Variants in GXYLT2 observed in about 807,000 individuals in gnomAD.
The protein encoded by GXYLT2 is glycosyltransferase 8 domain containing 4.
Under a neutral mutation model 45.8 loss-of-function variants are expected in GXYLT2, and 53 were observed. The ratio of observed to expected loss-of-function variants is 1.16; its 90% CI spans 0.93 to 1.46. The LOEUF (loss-of-function observed/expected upper bound fraction) is 1.46, where lower values mean the gene tolerates loss of function less well. Among genes scored for constraint, GXYLT2 ranks in the 40% most tolerant of loss-of-function variants. GXYLT2 has a pLI of 0.00. For synonymous variants in GXYLT2, 219 were observed against 214.2 expected (o/e 1.02, Z -0.19); for missense variants, 551 against 544.4 (o/e 1.01, Z -0.12).
chr3:72,929,986 G>A (rs1205855555), intron 3 of GXYLT2, among the ~76,000 whole-genome samples: 2 of 152,074 alleles, frequency 1.3e-5, no homozygotes, highest in Non-Finnish European at 2.9e-5. Flanking sequence ...GGCCAACATG[G>A]TGAAATGGTG....
chr3:72,913,306 G>A (rs1054847249), intron 2 of GXYLT2, among the ~76,000 whole-genome samples: 3 of 151,344 alleles, frequency 2.0e-5, no homozygotes, highest in African/African-American at 7.3e-5. Flanking sequence ...CCAAAGTGCT[G>A]GGATTACAAG....
At chr3:72,956,041 G>C (rs1710637386) in intron 4 of GXYLT2, among the ~76,000 whole-genome samples, 1 of 152,180 alleles carries the variant, frequency 6.6e-6, no homozygotes, top group African/African-American at 2.4e-5. Context: ...TCACGCCACT[G>C]TACTCCAGCC....
rs1377784629 is a variant in GXYLT2 at position 72,950,141 on chromosome 3, C to T, written c.601-4957C>T. On this transcript the variant is annotated intron_variant, in intron 3 of 6. Coordinates refer to ENST00000389617, the MANE Select transcript of GXYLT2 (RefSeq NM_001080393.2). The stretch of plus-strand genomic sequence containing the variant: ...AGTTCAAGACCAACCTGGCAACAAA[C>T]CAAGAGCCTGTCTCTACAAAAAAAC... Among the ~76,000 whole-genome samples the T allele has an allele frequency of 3.3e-5, 5 of 151,932 alleles. No individual in the cohort carries two copies. In the East Asian group the frequency reaches 9.7e-4, roughly 30 times the overall value.
chr3:72,914,738 GTA>G lies in GXYLT2; in HGVS notation c.468+6180_468+6181del. ...GGTTTCCTTACCAGACTGGCTTGTG[GTA>G]GGCTCTAACAGATTGAAAAGATACC... On this transcript the variant is annotated intron_variant, in intron 2 of 6. Transcript: ENST00000389617. Among the ~76,000 whole-genome samples the G allele has an allele frequency of 2.0e-5, 3 of 149,394 alleles. 1 individual carries two copies. The South Asian group carries it at 6.2e-4, about 31-fold the overall frequency.
chr3:72,901,857 A>G (rs13095184), intron 1 of GXYLT2, among the ~76,000 whole-genome samples: 43,639 of 151,596 alleles, frequency 0.29, 6,652 homozygotes, highest in Non-Finnish European at 0.34. Context: ...CACCGCACCC[A>G]GCCTCATTAA....
Position 72,888,204 on chromosome 3 carries a change from TG to T in GXYLT2, c.-25del, listed in dbSNP as rs1328650234. 6 of 983,680 alleles carry T rather than the reference TG, an allele frequency of 6.1e-6. No homozygotes were observed. The highest frequency in any genetic ancestry group is 9.1e-5 in the South Asian group (2 of 22,098). 60.9% of individuals were successfully genotyped at this position (983,680 alleles called of 1,614,324 possible). A position where few individuals can be genotyped will look rare whatever the true frequency, so the allele number is the denominator to read the frequency against. On this transcript the variant is annotated 5_prime_UTR_variant, in exon 1 of 7. Coordinates refer to ENST00000389617, the MANE Select transcript of GXYLT2 (RefSeq NM_001080393.2). Reference sequence around the variant, plus strand: ...CGATGCGCAGAGGGGCCGAGCCGCCTGGGGGCCGCCGCCGCCGCCGCGCCGC... The same window carrying T: ...CGATGCGCAGAGGGGCCGAGCCGCCTGGGGCCGCCGCCGCCGCCGCGCCGC...
chr3:72,975,326 G>T lies in GXYLT2; in HGVS notation c.*167G>T. 7.1e-6 allele frequency: 3 copies of T among 422,708 alleles called. No individual in the cohort carries two copies. Among genetic ancestry groups the T allele is most frequent in the East Asian group, 3.5e-5 (1 of 28,246 alleles). 26.2% of individuals were successfully genotyped at this position (422,708 alleles called of 1,614,324 possible). On this transcript the variant is annotated 3_prime_UTR_variant, in exon 7 of 7. Transcript: ENST00000389617. The stretch of plus-strand genomic sequence containing the variant: ...ATCAGTTGCCCCCAAAAGGGAATAT[G>T]CTTTTCCTTATTTTTTTTTCTAAAA...
intron 1 of GXYLT2, among the ~76,000 whole-genome samples, chr3:72,904,800 G>T (rs1709473465): frequency 6.6e-6 from 1 of 151,194 alleles, no homozygotes; most frequent in African/African-American, 2.4e-5. Context: ...CAGCAATTTG[G>T]GAGGCCAAGG....
At chr3:72,948,939 T>C (rs1710462825) in intron 3 of GXYLT2, among the ~76,000 whole-genome samples, 1 of 151,772 alleles carries the variant, frequency 6.6e-6, no homozygotes, top group Non-Finnish European at 1.5e-5. Context: ...TTTACAGAAT[T>C]CTAGGAGAAC....
chr3:72,970,645 A>G (rs1710971274), intron 6 of GXYLT2, among the ~76,000 whole-genome samples: 1 of 152,114 alleles, frequency 6.6e-6, no homozygotes, highest in African/African-American at 2.4e-5. Context: ...GGATCACCTG[A>G]GGTCGGGAGT....
chr3:72,950,368 G>A (rs1236996131), intron 3 of GXYLT2, among the ~76,000 whole-genome samples: 1 of 152,162 alleles, frequency 6.6e-6, no homozygotes, highest in Non-Finnish European at 1.5e-5. Flanking sequence ...CGTTGAGGCA[G>A]GAGAATCGCT....
Position 72,913,789 on chromosome 3 carries a change from T to A in GXYLT2, c.468+5230T>A, listed in dbSNP as rs7615436. Among the ~76,000 whole-genome samples the A allele has an allele frequency of 1.4e-3, 218 of 152,342 alleles. 1 individual carries two copies. Among genetic ancestry groups the A allele is most frequent in the African/African-American group, 5.1e-3 (214 of 41,580 alleles). ...CCATGCAGGGATTATGTTGCCAGTT[T>A]AGCTGCATACTGCCTTTGCCCTTAC... On this transcript the variant is annotated intron_variant, in intron 2 of 6. Coordinates refer to ENST00000389617, the MANE Select transcript of GXYLT2 (RefSeq NM_001080393.2).
Position 72,975,091 on chromosome 3 carries a change from G to T in GXYLT2, c.1264G>T (p.Glu422Ter). The stretch of plus-strand genomic sequence containing the variant: ...CCCGCAAGTTTTTCTGAAGCAAATT[G>T]AGAAAACAATGAAAAGGGCTTATGA... ...RIPQVFLKQI[E>*]KTMKRAYEKH... The change falls in exon 7 of 7, where the codon GAG (glutamate) becomes TAG (stop). Residue 422 changes from glutamate to a stop codon, truncating the protein, a stop_gained. Transcript: ENST00000389617. LOFTEE classifies it high-confidence loss of function. 1 of 1,613,688 alleles carries T rather than the reference G, an allele frequency of 6.2e-7. No individual in the cohort carries two copies. The highest frequency in any genetic ancestry group is 1.1e-5 in the South Asian group (1 of 91,058).
At chr3:72,966,458 C>CTTTT (rs10662974) in intron 5 of GXYLT2, among the ~76,000 whole-genome samples, 4,061 of 101,558 alleles carry the variant, frequency 0.04, 462 homozygotes, top group African/African-American at 0.1. Flanking sequence ...TTGTGTGTAT[C>CTTTT]TTTTTTTTTT....
rs374145064 is a variant in GXYLT2, at chr3:72,975,018, C to T, written c.1191C>T (p.Pro397=). ...QDNLFQSMYY[P]LQLKFLETVH... Reference sequence around the variant, plus strand: ...ATCTCTTTCAATCCATGTATTACCCCCTTCAGCTGAAGTTTTTGGAGACTG... The same window carrying T: ...ATCTCTTTCAATCCATGTATTACCCTCTTCAGCTGAAGTTTTTGGAGACTG... The change falls in exon 7 of 7, where the codon CCC becomes CCT. Residue 397 remains proline, a synonymous_variant. Transcript: ENST00000389617. 5.0e-6 allele frequency: 8 copies of T among 1,609,672 alleles called. No individual in the cohort carries two copies. The highest frequency in any genetic ancestry group is 4.0e-5 in the African/African-American group (3 of 74,760).
intron 1 of GXYLT2, among the ~76,000 whole-genome samples, chr3:72,889,922 T>TG (rs1709151213): frequency 4.0e-5 from 6 of 150,422 alleles, no homozygotes; most frequent in African/African-American, 1.2e-4. Context: ...TTTTTTTTTT[T>TG]TGTGACAAAG....
Position 72,950,444 on chromosome 3 carries a change from G to C in GXYLT2, c.601-4654G>C, listed in dbSNP as rs1710499924. Among the ~76,000 whole-genome samples, 4 of 152,088 alleles carry C rather than the reference G, an allele frequency of 2.6e-5. No homozygotes were observed. The South Asian group carries it at 8.3e-4, about 32-fold the overall frequency. On this transcript the variant is annotated intron_variant, in intron 3 of 6. Transcript: ENST00000389617. ...CCATTGCACTCCAGCCCAGGCGACAGTGCGAGACTTCATCTCAAAAAAAGA... is the reference window on the plus strand; with the variant it reads ...CCATTGCACTCCAGCCCAGGCGACACTGCGAGACTTCATCTCAAAAAAAGA...
intron 4 of GXYLT2, among the ~76,000 whole-genome samples, 159 bp downstream of exon 4, chr3:72,955,508 T>A (rs2107141949): frequency 6.6e-6 from 1 of 152,302 alleles, no homozygotes; most frequent in East Asian, 1.9e-4. Flanking sequence ...TATAGAATAT[T>A]TGTTTATTCA....
intron 3 of GXYLT2, among the ~76,000 whole-genome samples, chr3:72,939,835 C>G (rs1196118109): frequency 2.6e-5 from 4 of 152,078 alleles, no homozygotes; most frequent in Non-Finnish European, 4.4e-5. Flanking sequence ...GCATGCACCA[C>G]CACACCTGGC....
Sources: allele counts gnomAD v4.1 joint callset (sites outside exome capture counted in the v4.1 genomes callset), GRCh38; gene constraint gnomAD v4.1.1; transcripts MANE v1.5; gene names NCBI Gene and HGNC (gene_info 2026-07-23, HGNC 2026-07-21).